NKAIN2: variants seen among roughly 807,000 people sequenced by gnomAD.
NKAIN2 encodes the protein sodium/potassium transporting ATPase interacting 2, also known as sodium/potassium-transporting ATPase subunit beta-1-interacting protein 2.
A neutral mutation model predicts 32.6 loss-of-function variants in NKAIN2; 14 were observed. That is an observed-to-expected ratio of 0.43 (90% CI 0.28 to 0.67). NKAIN2 has a LOEUF of 0.67. Ranked by LOEUF, NKAIN2 falls within the 30% of genes least tolerant of loss-of-function variation. NKAIN2 has a pLI of 0.17. For synonymous variants in NKAIN2, 80 were observed against 87.2 expected (o/e 0.92, Z 0.46); for missense variants, 198 against 258.3 (o/e 0.77, Z 1.60).
intron 1 of NKAIN2, among the ~76,000 whole-genome samples, chr6:124,101,109 TC>T (rs1784868543): frequency 6.6e-6 from 1 of 152,162 alleles, no homozygotes; most frequent in African/African-American, 2.4e-5. Flanking sequence ...TGTATGTATT[TC>T]AAAAAGCAAT....
At chr6:123,916,557 C>G (rs1445782606) in intron 1 of NKAIN2, among the ~76,000 whole-genome samples, 4 of 152,132 alleles carry the variant, frequency 2.6e-5, no homozygotes, top group Admixed American at 1.3e-4. Flanking sequence ...GCCACCATGC[C>G]CTACCTCCAG....
At chr6:124,468,924 ATAGTT>A (rs1776866249) in intron 3 of NKAIN2, among the ~76,000 whole-genome samples, 3 of 152,162 alleles carry the variant, frequency 2.0e-5, no homozygotes, top group Admixed American at 2.0e-4. Context: ...GTTTTCTTGG[ATAGTT>A]TAGTTTTTAT....
At chr6:123,893,589 G>A (rs1247044361) in intron 1 of NKAIN2, among the ~76,000 whole-genome samples, 2 of 152,182 alleles carry the variant, frequency 1.3e-5, no homozygotes, top group African/African-American at 2.4e-5. Flanking sequence ...GGCCATTGAG[G>A]CAATTGATGC....
At chr6:124,084,297 C>T (rs1268452001) in intron 1 of NKAIN2, among the ~76,000 whole-genome samples, 1 of 151,862 alleles carries the variant, frequency 6.6e-6, no homozygotes, top group African/African-American at 2.4e-5. Flanking sequence ...AATGGTGGTC[C>T]CCTAAGATTA....
chr6:123,933,152 A>G (rs189736066), intron 1 of NKAIN2, among the ~76,000 whole-genome samples: 39 of 152,314 alleles, frequency 2.6e-4, no homozygotes, highest in Admixed American at 2.2e-3. Flanking sequence ...AAAGCAGAAA[A>G]AAGTATCATT....
intron 4 of NKAIN2, among the ~76,000 whole-genome samples, chr6:124,695,831 A>G (rs1319244202): frequency 6.6e-6 from 1 of 152,224 alleles, no homozygotes; most frequent in Non-Finnish European, 1.5e-5. Flanking sequence ...CATAAGGGCC[A>G]TGGCCAACAC....
chr6:124,491,743 C>A (rs74656594), intron 3 of NKAIN2, among the ~76,000 whole-genome samples: 1 of 151,730 alleles, frequency 6.6e-6, no homozygotes, highest in Non-Finnish European at 1.5e-5. Context: ...TACGATGTGG[C>A]GGAAAATGTT....
intron 1 of NKAIN2, among the ~76,000 whole-genome samples, chr6:124,139,772 T>G (rs533672458): frequency 6.6e-5 from 10 of 152,312 alleles, no homozygotes; most frequent in Non-Finnish European, 1.5e-4. Context: ...CTTCCTTAAA[T>G]AGGCTGAAGA....
intron 1 of NKAIN2, among the ~76,000 whole-genome samples, chr6:124,082,481 T>G (rs997946322): frequency 6.6e-6 from 1 of 152,046 alleles, no homozygotes; most frequent in Non-Finnish European, 1.5e-5. Flanking sequence ...GATGAACCCA[T>G]GGTCTTTTGA....
At chr6:124,346,254 C>T (rs1385436532) in intron 2 of NKAIN2, among the ~76,000 whole-genome samples, 1 of 152,020 alleles carries the variant, frequency 6.6e-6, no homozygotes, top group Non-Finnish European at 1.5e-5. Flanking sequence ...TTACTTGCAA[C>T]TATGTGGTCA....
chr6:124,482,353 A>G (rs1777487582), intron 3 of NKAIN2, among the ~76,000 whole-genome samples: 1 of 152,188 alleles, frequency 6.6e-6, no homozygotes, highest in Non-Finnish European at 1.5e-5. Context: ...TGTGCAATAA[A>G]ATTCCTTTAT....
At chr6:124,135,515 TA>T (rs56183476) in intron 1 of NKAIN2, among the ~76,000 whole-genome samples, 16,474 of 100,036 alleles carry the variant, frequency 0.16, 868 homozygotes, top group Non-Finnish European at 0.18. Context: ...GCAACGATAG[TA>T]AAAAAAAAAA....
chr6:124,251,947 G>A (rs932949197), intron 1 of NKAIN2, among the ~76,000 whole-genome samples: 21 of 151,976 alleles, frequency 1.4e-4, no homozygotes, highest in African/African-American at 4.6e-4. Context: ...AATGTTAAAT[G>A]TTTGAGATGA....
At chr6:124,086,720 A>T (rs1454857337) in intron 1 of NKAIN2, among the ~76,000 whole-genome samples, 2 of 151,968 alleles carry the variant, frequency 1.3e-5, no homozygotes, top group Non-Finnish European at 2.9e-5. Context: ...TGCATGAAAG[A>T]CACAATCTGA....
At chr6:124,732,109 C>A (rs996451798) in intron 4 of NKAIN2, among the ~76,000 whole-genome samples, 3 of 151,978 alleles carry the variant, frequency 2.0e-5, no homozygotes, top group Admixed American at 2.0e-4. Flanking sequence ...CATGAAAATT[C>A]CATAGAACTT....
intron 5 of NKAIN2, among the ~76,000 whole-genome samples, chr6:124,797,200 GACTTCTCAATTTTTATT>G (rs1163334006): frequency 4.2e-5 from 6 of 143,624 alleles, no homozygotes; most frequent in East Asian, 2.0e-4. Flanking sequence ...AAATCATCAT[GACTTCTCAATTTTTATT>G]ACTTCTCAAT....
At chr6:124,270,733 C>T (rs980857541) in intron 1 of NKAIN2, among the ~76,000 whole-genome samples, 1 of 152,112 alleles carries the variant, frequency 6.6e-6, no homozygotes, top group African/African-American at 2.4e-5. Context: ...ACCCATCATC[C>T]CTCATCTGCT....
At chr6:124,706,012 A>G (rs752084906) in intron 4 of NKAIN2, among the ~76,000 whole-genome samples, 27 of 152,050 alleles carry the variant, frequency 1.8e-4, no homozygotes, top group Non-Finnish European at 3.4e-4. Context: ...GACAACAAAG[A>G]GAAGGTTATC....
chr6:123,865,192 CTATTG>C (rs1318803209), intron 1 of NKAIN2, among the ~76,000 whole-genome samples: 1 of 151,884 alleles, frequency 6.6e-6, no homozygotes, highest in Non-Finnish European at 1.5e-5. Context: ...TATAAAAAGC[CTATTG>C]TATTATTTAT....
Sources: allele counts gnomAD v4.1 joint callset (sites outside exome capture counted in the v4.1 genomes callset), GRCh38; gene constraint gnomAD v4.1.1; transcripts MANE v1.5; gene names NCBI Gene and HGNC (gene_info 2026-07-23, HGNC 2026-07-21).